The following FAM171A1 variants were observed in gnomAD, a reference collection of about 807,000 sequenced individuals.
The protein encoded by FAM171A1 is family with sequence similarity 171 member A1, also known as protein FAM171A1.
In FAM171A1, 23 loss-of-function variants were observed where a neutral mutation model predicts 74.9. The ratio of observed to expected loss-of-function variants is 0.31; its 90% CI spans 0.22 to 0.44. The LOEUF (loss-of-function observed/expected upper bound fraction) is 0.44. Ranked by LOEUF, FAM171A1 falls within the 20% of genes least tolerant of loss-of-function variation. The pLI, the probability that FAM171A1 is intolerant of heterozygous loss-of-function variation, is 1.00. For missense variants in FAM171A1, 1,162 were observed against 1,159.2 expected (o/e 1.00, Z -0.03); for synonymous variants, 527 against 505.7 (o/e 1.04, Z -0.57).
chr10:15,366,217 T>A (rs986782786), intron 1 of FAM171A1, among the ~76,000 whole-genome samples: 7 of 152,144 alleles, frequency 4.6e-5, no homozygotes, highest in Non-Finnish European at 1.0e-4. Flanking sequence ...CCTCCCGAGT[T>A]CAAGCAATTG....
intron 5 of FAM171A1, among the ~76,000 whole-genome samples, chr10:15,235,650 T>C (rs1020062299): frequency 6.6e-6 from 1 of 152,218 alleles, no homozygotes; most frequent in Non-Finnish European, 1.5e-5. Context: ...AGTGTGTTCA[T>C]AAATGCAGAC....
chr10:15,263,917 T>TTCCG (rs1240475731), intron 3 of FAM171A1, among the ~76,000 whole-genome samples: 8 of 151,194 alleles, frequency 5.3e-5, no homozygotes, highest in South Asian at 2.1e-4. Context: ...CCGTCCATCC[T>TTCCG]TCCGTCCGTC....
chr10:15,306,790 C>T (rs1367338256), intron 1 of FAM171A1, among the ~76,000 whole-genome samples: 4 of 152,226 alleles, frequency 2.6e-5, no homozygotes, highest in Non-Finnish European at 5.9e-5. Flanking sequence ...CAACTATCTG[C>T]AGCCAGAGAA....
intron 2 of FAM171A1, 49 bp downstream of exon 2, chr10:15,283,829 C>T: frequency 6.3e-7 from 1 of 1,581,420 alleles, no homozygotes; most frequent in Non-Finnish European, 8.7e-7. Context: ...ATGCGATCCT[C>T]CCACCAGCCA....
Position 15,211,966 on chromosome 10 carries a change from A to G in FAM171A1, c.*949T>C, listed in dbSNP as rs1157662832. 6.6e-6 allele frequency: 1 copy of G among 152,664 alleles called. No individual in the cohort carries two copies. Among genetic ancestry groups the G allele is most frequent in the African/African-American group, 2.4e-5 (1 of 41,462 alleles). The allele number at this position is 152,664 out of a possible 1,614,324, so 9.5% of individuals were successfully genotyped here. The stretch of plus-strand genomic sequence containing the variant: ...GTCCTCTAGTCTATCTTCGCTAAAC[A>G]GAACCCACGTTACACATGATAACTA... On this transcript the variant is annotated 3_prime_UTR_variant, in exon 8 of 8. Coordinates refer to ENST00000378116, the MANE Select transcript of FAM171A1 (RefSeq NM_001010924.2).
At chr10:15,276,006 C>G in intron 2 of FAM171A1, 59 bp from the exon 3 acceptor site, 1 of 1,267,400 alleles carries the variant, frequency 7.9e-7, no homozygotes, top group Non-Finnish European at 1.1e-6. Flanking sequence ...AGTGCCTACT[C>G]TAATTTTTGG....
Position 15,248,804 on chromosome 10 carries a change from T to C in FAM171A1, c.589A>G (p.Arg197Gly), listed in dbSNP as rs907267673. The C allele has an allele frequency of 1.9e-6, 3 of 1,606,176 alleles. No homozygotes were observed. The African/African-American group carries it at 4.0e-5, about 22-fold the overall frequency. The change falls in exon 5 of 8, where the codon AGG becomes GGG. Residue 197 changes from arginine (R) to glycine (G), a missense_variant. Physicochemically the swap from Arg to Gly is moderately radical, Grantham distance 125. Transcript: ENST00000378116. ...LDGNGTGNSTRHDLTPVTAVS... is the reference protein window; with the variant it reads ...LDGNGTGNSTGHDLTPVTAVS... ...GCTGTGACTGGGGTCAGGTCATGCC[T>C]GGTGCTGTTTCCTAGAAGGAAGAGG...
chr10:15,226,807 C>T (rs1185597096), intron 5 of FAM171A1, among the ~76,000 whole-genome samples: 1 of 151,994 alleles, frequency 6.6e-6, no homozygotes, highest in Non-Finnish European at 1.5e-5. Flanking sequence ...ATGTTTATTT[C>T]CCTTTTCTTT....
chr10:15,255,382 C>T (rs1301659007), intron 3 of FAM171A1, among the ~76,000 whole-genome samples: 5 of 152,182 alleles, frequency 3.3e-5, no homozygotes, highest in Admixed American at 1.3e-4. Flanking sequence ...AAAAGAATTG[C>T]AAACAATACC....
intron 3 of FAM171A1, among the ~76,000 whole-genome samples, chr10:15,259,714 T>C (rs1045660822): frequency 1.3e-5 from 2 of 152,096 alleles, no homozygotes; most frequent in African/African-American, 4.8e-5. Context: ...TCTAACTCTG[T>C]ATCCTTTCCT....
rs76264623 is a variant in FAM171A1, at chr10:15,363,213, G to A, written c.97+7743C>T. ...GACAGGCATGGAGGTCGTAAAGGCC[G>A]GGCTTAGTCATCCAGGCTTCACACT... On this transcript the variant is annotated intron_variant, in intron 1 of 7. Coordinates refer to ENST00000378116, the MANE Select transcript of FAM171A1 (RefSeq NM_001010924.2). Among the ~76,000 whole-genome samples the A allele has an allele frequency of 4.7e-3, 711 of 152,300 alleles. 36 individuals carry two copies. In the East Asian group the frequency reaches 0.099, roughly 21 times the overall value.
At chr10:15,334,979 C>G (rs558488615) in intron 1 of FAM171A1, among the ~76,000 whole-genome samples, 1 of 152,192 alleles carries the variant, frequency 6.6e-6, no homozygotes, top group African/African-American at 2.4e-5. Flanking sequence ...CAGTGGCTCA[C>G]GCCTGCAATC....
chr10:15,330,713 C>CT (rs898772126), intron 1 of FAM171A1, among the ~76,000 whole-genome samples: 36,462 of 76,602 alleles, frequency 0.48, 7,475 homozygotes, highest in Non-Finnish European at 0.52. Flanking sequence ...TCTTCTTCTT[C>CT]TTTTTTTTTT....
chr10:15,346,835 A>T (rs1158594178), intron 1 of FAM171A1, among the ~76,000 whole-genome samples: 2 of 152,232 alleles, frequency 1.3e-5, no homozygotes, highest in Non-Finnish European at 2.9e-5. Flanking sequence ...AGATTCTGCA[A>T]GCAGCTGAGA....
rs184529493 is a variant in FAM171A1, at chr10:15,313,951, C to T, written c.98-29846G>A. 6.7e-4 allele frequency among the ~76,000 whole-genome samples: 102 copies of T among 152,354 alleles called. 1 individual carries two copies. Among genetic ancestry groups the T allele is most frequent in the Non-Finnish European group, 1.0e-3 (70 of 68,034 alleles). ...CTGTACAAGGCAGAATCACTCCCCA[C>T]TTCCTCGATCTGCATAGTGCAAGGC... On this transcript the variant is annotated intron_variant, in intron 1 of 7. Transcript: ENST00000378116.
intron 2 of FAM171A1, among the ~76,000 whole-genome samples, chr10:15,279,144 C>T (rs1008047143): frequency 1.3e-5 from 2 of 152,186 alleles, no homozygotes; most frequent in Non-Finnish European, 2.9e-5. Flanking sequence ...CACCTGTGAT[C>T]ATCCCCTGAG....
At chr10:15,364,054 T>TG (rs1294803468) in intron 1 of FAM171A1, among the ~76,000 whole-genome samples, 4 of 65,680 alleles carry the variant, frequency 6.1e-5, no homozygotes, top group South Asian at 1.1e-3. Context: ...GGGTGGAGGG[T>TG]GGGGGGGCGG....
At chr10:15,322,611 C>T (rs923335227) in intron 1 of FAM171A1, among the ~76,000 whole-genome samples, 32 of 152,186 alleles carry the variant, frequency 2.1e-4, no homozygotes, top group African/African-American at 7.2e-5. Flanking sequence ...AGTAACTGTT[C>T]ATGTTTCAAG....
At chr10:15,277,863 CCTCCTGCCA>C (rs1834914233) in intron 2 of FAM171A1, among the ~76,000 whole-genome samples, 1 of 152,098 alleles carries the variant, frequency 6.6e-6, no homozygotes, top group South Asian at 2.1e-4. Flanking sequence ...TTCAAGCTAT[CCTCCTGCCA>C]CAGCCTCCTG....
Sources: gnomAD v4.1 joint callset for allele counts (sites outside exome capture counted in the v4.1 genomes callset) on GRCh38, gnomAD v4.1.1 for gene constraint, MANE v1.5 for transcripts, NCBI Gene and HGNC (gene_info 2026-07-23, HGNC 2026-07-21) for gene names.